EYS: variants seen among roughly 807,000 people sequenced by gnomAD.
EYS encodes protein eyes shut homolog.
Under a neutral mutation model 282.1 loss-of-function variants are expected in EYS, and 250 were observed. That is an observed-to-expected ratio of 0.89 (90% CI 0.80 to 0.98). The LOEUF is 0.98. EYS is among the 50% of genes least tolerant of loss of function. The probability of loss-of-function intolerance (pLI) is 0.00; values close to 1 mark genes in which losing one functional copy is unlikely to be tolerated. For missense variants in EYS, 4,016 were observed against 3,709.0 expected, an observed-to-expected ratio of 1.08 and a Z score of -2.15; for synonymous variants, 1,355 against 1,282.9, an observed-to-expected ratio of 1.06 and a Z score of -1.20.
rs1197380396 is a variant in EYS, at chr6:63,826,839, A to G, written c.7229-20467T>C. Among the ~76,000 whole-genome samples, 39 of 92,336 alleles carry G rather than the reference A, an allele frequency of 4.2e-4. No individual in the cohort carries two copies. The East Asian group carries it at 0.012, about 28-fold the overall frequency. The allele number at this position is 92,336 out of a possible 152,430, so 60.6% of individuals were successfully genotyped here. A position where few individuals can be genotyped will look rare whatever the true frequency, so the allele number is the denominator to read the frequency against. On this transcript the variant is annotated intron_variant, in intron 36 of 42. Transcript: ENST00000503581. ...GATCTATAAAACAAAAATACAAGTT[A>G]AAAAGCAAAAAAAAAAAAAAAAAAA...
intron 31 of EYS, among the ~76,000 whole-genome samples, chr6:64,128,442 T>C (rs1237189098): frequency 6.6e-6 from 1 of 152,152 alleles, no homozygotes; most frequent in African/African-American, 2.4e-5. Flanking sequence ...TAAAGGAAGA[T>C]ACTATCCCTC....
chr6:64,177,807 A>C (rs11969578), intron 31 of EYS, among the ~76,000 whole-genome samples: 2,335 of 152,264 alleles, frequency 0.015, 57 homozygotes, highest in African/African-American at 0.053. Context: ...TTTAGTGGTC[A>C]GAAGTTCCAC....
intron 33 of EYS, among the ~76,000 whole-genome samples, chr6:64,022,295 G>T (rs1011058477): frequency 1.3e-5 from 2 of 152,094 alleles, no homozygotes; most frequent in Non-Finnish European, 2.9e-5. Flanking sequence ...ATAAATAAGA[G>T]GTGGACACAC....
chr6:65,206,614 G>T (rs1165578800), intron 12 of EYS, among the ~76,000 whole-genome samples: 1 of 151,628 alleles, frequency 6.6e-6, no homozygotes, highest in Non-Finnish European at 1.5e-5. Context: ...GACGAACATG[G>T]ATGTAAAAAT....
chr6:65,631,090 C>T (rs866952258), intron 2 of EYS, among the ~76,000 whole-genome samples: 2 of 152,094 alleles, frequency 1.3e-5, no homozygotes, highest in African/African-American at 4.8e-5. Flanking sequence ...CACACATAAA[C>T]CTCTAATTCG....
At chr6:65,285,962 G>A (rs553943118) in intron 12 of EYS, among the ~76,000 whole-genome samples, 2 of 151,856 alleles carry the variant, frequency 1.3e-5, no homozygotes, top group Non-Finnish European at 2.9e-5. Context: ...TTCACCCATC[G>A]TGAGGTTGCC....
At chr6:63,918,057 GCT>G (rs1764471209) in intron 35 of EYS, among the ~76,000 whole-genome samples, 1 of 152,136 alleles carries the variant, frequency 6.6e-6, no homozygotes, top group Non-Finnish European at 1.5e-5. Flanking sequence ...TTTATCCCAG[GCT>G]GTGCAGATTT....
chr6:65,441,666 A>T (rs1432759086), intron 5 of EYS, among the ~76,000 whole-genome samples: 5 of 152,086 alleles, frequency 3.3e-5, no homozygotes, highest in Non-Finnish European at 7.4e-5. Context: ...CTAAGGAAAT[A>T]GGTAAAGTAA....
chr6:64,664,135 C>T (rs1769146988), intron 22 of EYS, among the ~76,000 whole-genome samples: 1 of 152,166 alleles, frequency 6.6e-6, no homozygotes, highest in South Asian at 2.1e-4. Flanking sequence ...AAACATGGAC[C>T]AGCAGAGTAT....
intron 29 of EYS, among the ~76,000 whole-genome samples, chr6:64,307,634 C>T (rs1446020527): frequency 6.6e-6 from 1 of 151,982 alleles, no homozygotes; most frequent in African/African-American, 2.4e-5. Flanking sequence ...ATCTACAGAC[C>T]TAATGTGTAA....
chr6:64,193,595 C>T (rs1254410051), intron 31 of EYS, among the ~76,000 whole-genome samples: 2 of 152,094 alleles, frequency 1.3e-5, no homozygotes, highest in Non-Finnish European at 2.9e-5. Flanking sequence ...TGGTGTACTG[C>T]ACCCGTTAAC....
At chr6:64,020,103 A>T (rs796947707) in intron 33 of EYS, among the ~76,000 whole-genome samples, 41 of 152,132 alleles carry the variant, frequency 2.7e-4, no homozygotes, top group African/African-American at 9.1e-4. Flanking sequence ...TTGCTATTCA[A>T]ATAGAGTAAT....
chr6:64,363,600 T>A (rs1772093331), intron 29 of EYS, among the ~76,000 whole-genome samples: 1 of 151,932 alleles, frequency 6.6e-6, no homozygotes, highest in African/African-American at 2.4e-5. Context: ...CTTGTTTTTT[T>A]GTAATGTGCT....
intron 12 of EYS, among the ~76,000 whole-genome samples, chr6:65,121,291 G>A (rs1775541316): frequency 6.6e-6 from 1 of 152,076 alleles, no homozygotes; most frequent in Non-Finnish European, 1.5e-5. Context: ...GTTTAGAGAT[G>A]GGGATGAAAC....
At chr6:64,673,413 T>G (rs964150420) in intron 22 of EYS, among the ~76,000 whole-genome samples, 3 of 152,146 alleles carry the variant, frequency 2.0e-5, no homozygotes, top group Non-Finnish European at 4.4e-5. Flanking sequence ...ACATGTTCAA[T>G]TACTATTTGA....
At chr6:65,605,920 T>C (rs1221164766) in intron 2 of EYS, among the ~76,000 whole-genome samples, 2 of 151,720 alleles carry the variant, frequency 1.3e-5, no homozygotes, top group African/African-American at 4.8e-5. Context: ...TTGTGGTCAA[T>C]GTTTACTTTC....
chr6:63,983,239 A>G (rs768259057), intron 35 of EYS, among the ~76,000 whole-genome samples: 3 of 151,810 alleles, frequency 2.0e-5, no homozygotes, highest in African/African-American at 4.8e-5. Context: ...TAAATTCACT[A>G]TGTAAGTCAG....
intron 26 of EYS, among the ~76,000 whole-genome samples, chr6:64,493,818 A>C (rs562248788): frequency 6.6e-6 from 1 of 151,558 alleles, no homozygotes; most frequent in Admixed American, 6.6e-5. Context: ...CTTACACTTA[A>C]GTTTACTATT....
In EYS at chr6:65,495,085, GT is replaced by G. The variant is rs1766200648; in HGVS notation, c.325del (p.Thr109HisfsTer22). On this transcript the variant is annotated frameshift_variant, in exon 4 of 43. Coordinates refer to ENST00000503581, the MANE Select transcript of EYS (RefSeq NM_001142800.2). LOFTEE classifies it high-confidence loss of function. ...PEINLMNVSE[T>X]SFVGCVQNTT... Reference sequence around the variant, plus strand: ...ATTTTGCACACAGCCAACGAAAGATGTTTCAGAAACATTCATCAAATTTATT... The same window carrying G: ...ATTTTGCACACAGCCAACGAAAGATGTTCAGAAACATTCATCAAATTTATT... 1 of 1,614,048 alleles carries G rather than the reference GT, an allele frequency of 6.2e-7. No individual in the cohort carries two copies. The highest frequency in any genetic ancestry group is 1.7e-5 in the Admixed American group (1 of 59,986).
Sources: gnomAD v4.1 joint callset for allele counts (sites outside exome capture counted in the v4.1 genomes callset) on GRCh38, gnomAD v4.1.1 for gene constraint, MANE v1.5 for transcripts, NCBI Gene and HGNC (gene_info 2026-07-23, HGNC 2026-07-21) for gene names.